NAALADL2: variants seen among roughly 807,000 people sequenced by gnomAD.
NAALADL2 encodes inactive N-acetylated-alpha-linked acidic dipeptidase-like protein 2.
A neutral mutation model predicts 87.2 loss-of-function variants in NAALADL2; 76 were observed. The observed-to-expected ratio is 0.87, with a 90% CI of 0.72 to 1.05. NAALADL2 has a LOEUF of 1.05. Ranked by LOEUF, NAALADL2 falls within the 50% of genes least tolerant of loss-of-function variation. The pLI is 0.00. For synonymous variants in NAALADL2, 354 were observed against 331.0 expected (o/e 1.07, Z -0.75); for missense variants, 1,089 against 945.8 (o/e 1.15, Z -1.99).
In NAALADL2 at chr3:175,440,353, G is replaced by A. The variant is rs182216587; in HGVS notation, c.1091-6876G>A. The stretch of plus-strand genomic sequence containing the variant: ...AGATTTGTTCTTTTTGCTCAGTCTT[G>A]CTTTGGCTATGCAGGCTCTTTTTGG... On this transcript the variant is annotated intron_variant, in intron 5 of 13. Coordinates refer to ENST00000454872, the MANE Select transcript of NAALADL2 (RefSeq NM_207015.3). Among the ~76,000 whole-genome samples, 43 of 152,200 alleles carry A rather than the reference G, an allele frequency of 2.8e-4. No homozygotes were observed. The East Asian group carries it at 7.3e-3, about 26-fold the overall frequency.
At chr3:174,948,183 T>G (rs1312145133) in intron 1 of NAALADL2, among the ~76,000 whole-genome samples, 4 of 151,952 alleles carry the variant, frequency 2.6e-5, no homozygotes, top group Non-Finnish European at 5.9e-5. Flanking sequence ...ATTTATTTAT[T>G]TATTTATTTT....
chr3:175,787,384 T>G (rs1157311403), intron 13 of NAALADL2, among the ~76,000 whole-genome samples: 2 of 152,168 alleles, frequency 1.3e-5, no homozygotes, highest in Non-Finnish European at 2.9e-5. Context: ...CGTAGGACCC[T>G]CCGAGCCAGG....
chr3:174,567,556 T>C (rs1318650394), intron 2 of NAALADL2, among the ~76,000 whole-genome samples: 1 of 151,658 alleles, frequency 6.6e-6, no homozygotes, highest in East Asian at 1.9e-4. Context: ...ATGTTACCTA[T>C]TTAATTCAAT....
chr3:175,754,141 C>T (rs561663168), intron 12 of NAALADL2, among the ~76,000 whole-genome samples: 43 of 152,166 alleles, frequency 2.8e-4, no homozygotes, highest in Non-Finnish European at 5.3e-4. Flanking sequence ...CTGAGAACTG[C>T]TTACCTGTGG....
Position 174,883,283 on chromosome 3 carries a change from G to A in NAALADL2, c.43+23833G>A, listed in dbSNP as rs139499296. The stretch of plus-strand genomic sequence containing the variant: ...CACACCAGGAGCAATGCTTTGTATC[G>A]TTCAGTCCACTCAAGTTGGCACTCA... On this transcript the variant is annotated intron_variant, in intron 1 of 13. Transcript: ENST00000454872. Among the ~76,000 whole-genome samples the A allele has an allele frequency of 3.5e-3, 526 of 152,032 alleles. 3 individuals carry two copies. The highest frequency in any genetic ancestry group is 8.8e-3 in the African/African-American group (366 of 41,488).
chr3:175,329,699 A>T (rs539035144), intron 5 of NAALADL2, among the ~76,000 whole-genome samples: 2 of 152,306 alleles, frequency 1.3e-5, no homozygotes, highest in South Asian at 4.1e-4. Flanking sequence ...TGTGCTCTGC[A>T]GGCTTCAGAT....
At chr3:175,370,222 T>C (rs1003761519) in intron 5 of NAALADL2, among the ~76,000 whole-genome samples, 4 of 152,178 alleles carry the variant, frequency 2.6e-5, no homozygotes, top group Non-Finnish European at 2.9e-5. Flanking sequence ...ATTTATCTGG[T>C]TGCTATCCAG....
chr3:175,211,454 A>C (rs1741751861), intron 2 of NAALADL2, among the ~76,000 whole-genome samples: 1 of 151,990 alleles, frequency 6.6e-6, no homozygotes, highest in South Asian at 2.1e-4. Flanking sequence ...TATTCTATTT[A>C]GAGAAAATAT....
In NAALADL2 at chr3:174,898,963, G is replaced by A. The variant is rs549338365; in HGVS notation, c.43+39513G>A. ...TTCACTTGTCATTAATCATTCAGCC[G>A]AACATGTTTATTTTGTGCACTTTTC... is the stretch of plus-strand genomic sequence containing the variant. On this transcript the variant is annotated intron_variant, in intron 1 of 13. Coordinates refer to ENST00000454872, the MANE Select transcript of NAALADL2 (RefSeq NM_207015.3). Among the ~76,000 whole-genome samples the A allele has an allele frequency of 9.9e-5, 15 of 152,090 alleles. No individual in the cohort carries two copies. The South Asian group carries it at 2.1e-3, about 21-fold the overall frequency.
At chr3:175,750,149 T>G (rs1746452116) in intron 12 of NAALADL2, among the ~76,000 whole-genome samples, 1 of 152,156 alleles carries the variant, frequency 6.6e-6, no homozygotes, top group East Asian at 1.9e-4. Flanking sequence ...GTATAATTAG[T>G]GGGAGAACTG....
intron 3 of NAALADL2, among the ~76,000 whole-genome samples, chr3:174,770,712 C>T (rs1219143786): frequency 1.3e-5 from 2 of 151,912 alleles, no homozygotes; most frequent in African/African-American, 2.4e-5. Flanking sequence ...TGGTGGTGGG[C>T]ACCTGCAGTC....
intron 4 of NAALADL2, among the ~76,000 whole-genome samples, chr3:175,294,240 T>C (rs752020332): frequency 6.6e-6 from 1 of 152,240 alleles, no homozygotes; most frequent in Non-Finnish European, 1.5e-5. Flanking sequence ...ACATATACTT[T>C]TCAAGTTTGT....
chr3:174,948,945 T>A (rs1327076202), intron 1 of NAALADL2, among the ~76,000 whole-genome samples: 1 of 152,222 alleles, frequency 6.6e-6, no homozygotes, highest in Admixed American at 6.5e-5. Flanking sequence ...ATCAAGGTGC[T>A]GGTGAATTTG....
chr3:175,606,569 A>G (rs896103090), intron 10 of NAALADL2, among the ~76,000 whole-genome samples: 15 of 152,266 alleles, frequency 9.9e-5, no homozygotes, highest in Admixed American at 7.8e-4. Context: ...AACTCCTTAC[A>G]GCTGAAACCA....
chr3:174,938,342 C>T (rs894356591), intron 1 of NAALADL2, among the ~76,000 whole-genome samples: 1 of 152,058 alleles, frequency 6.6e-6, no homozygotes, highest in Non-Finnish European at 1.5e-5. Context: ...CATGTTTCTG[C>T]AAAAGACGTG....
intron 4 of NAALADL2, among the ~76,000 whole-genome samples, chr3:175,305,149 C>A (rs573852445): frequency 6.6e-6 from 1 of 151,964 alleles, no homozygotes; most frequent in Admixed American, 6.6e-5. Flanking sequence ...ATAATATGGT[C>A]AATAAGAATC....
intron 2 of NAALADL2, among the ~76,000 whole-genome samples, chr3:174,625,682 ATAGT>A (rs1364694716): frequency 6.6e-6 from 1 of 152,092 alleles, no homozygotes; most frequent in Non-Finnish European, 1.5e-5. Flanking sequence ...GTAGAAAGGA[ATAGT>A]TAAATAATTG....
chr3:174,719,069 C>T (rs568503268), intron 2 of NAALADL2, among the ~76,000 whole-genome samples: 44 of 152,208 alleles, frequency 2.9e-4, no homozygotes, highest in African/African-American at 9.4e-4. Context: ...CACATGAAGA[C>T]GACTTCTCAT....
chr3:174,637,831 T>C (rs548228170), intron 2 of NAALADL2, among the ~76,000 whole-genome samples: 66 of 152,244 alleles, frequency 4.3e-4, no homozygotes, highest in African/African-American at 1.5e-3. Context: ...TAAAGCCAAG[T>C]CTTGATTTCC....
Sources: gnomAD v4.1 joint callset for allele counts (sites outside exome capture counted in the v4.1 genomes callset) on GRCh38, gnomAD v4.1.1 for gene constraint, MANE v1.5 for transcripts, NCBI Gene and HGNC (gene_info 2026-07-23, HGNC 2026-07-21) for gene names.